TBC1D17: variants seen among roughly 807,000 people sequenced by gnomAD.
TBC1D17 encodes TBC1 domain family member 17.
In TBC1D17, 69 loss-of-function variants were observed where a neutral mutation model predicts 78.8. The ratio of observed to expected loss-of-function variants is 0.88; its 90% CI spans 0.72 to 1.07. TBC1D17 has a LOEUF of 1.07. Among genes scored for constraint, TBC1D17 ranks in the 50% least tolerant of loss-of-function variants. The pLI, the probability that TBC1D17 is intolerant of heterozygous loss-of-function variation, is 0.00. For synonymous variants in TBC1D17, 456 were observed against 358.3 expected (o/e 1.27, Z -3.08); for missense variants, 957 against 861.0 (o/e 1.11, Z -1.39).
intron 6 of TBC1D17, 45 bp downstream of exon 6, chr19:49,882,197 G>T: frequency 1.2e-6 from 2 of 1,613,258 alleles, no homozygotes; most frequent in Non-Finnish European, 1.7e-6. Context: ...GGCAGGGAGG[G>T]ACGAGAAGGG....
At chr19:49,885,715 G>A (rs991751271) in intron 13 of TBC1D17, among the ~76,000 whole-genome samples, 4 of 151,918 alleles carry the variant, frequency 2.6e-5, no homozygotes, top group East Asian at 1.9e-4. Flanking sequence ...GATCACGCCT[G>A]TAATCCCAGC....
rs1316985860 is a variant in TBC1D17 at position 49,887,757 on chromosome 19, CTGGTG to C, written c.1583_1587del (p.Leu528ArgfsTer21). The C allele has an allele frequency of 6.2e-7, 1 of 1,613,586 alleles. No individual in the cohort carries two copies. The highest frequency in any genetic ancestry group is 2.2e-5 in the East Asian group (1 of 44,880). On this transcript the variant is annotated frameshift_variant, in exon 15 of 17. Transcript: ENST00000221543. LOFTEE classifies it high-confidence loss of function. ...GCTCCCTGGCCCCAATCTGCACCTG[CTGGTG>C]GCCTGCGCCATCCTGGACATGGAGA...
At chr19:49,887,655 G>A (rs2075069493) in intron 14 of TBC1D17, 63 bp from the exon 15 acceptor site, 3 of 1,608,990 alleles carry the variant, frequency 1.9e-6, no homozygotes, top group African/African-American at 2.7e-5. Flanking sequence ...GACAGACCCT[G>A]GTGGGACCTC....
chr19:49,878,711 C>T, intron 3 of TBC1D17, 139 bp downstream of exon 3: 2 of 743,326 alleles, frequency 2.7e-6, no homozygotes, highest in African/African-American at 1.8e-5. Flanking sequence ...GGGTACTCTG[C>T]CTCTCCTTTT....
chr19:49,878,550 C>G lies in TBC1D17; in HGVS notation c.173C>G (p.Thr58Ser). The change falls in exon 3 of 17, where the codon ACC (threonine) becomes AGC (serine). Residue 58 changes from threonine (T) to serine (S), a missense_variant. Coordinates refer to ENST00000221543, the MANE Select transcript of TBC1D17 (RefSeq NM_024682.3). ...WAPVEEAGDS[T>S]QILFSKKDSS... ...CCTGTAGAGGAGGCTGGAGATTCCACCCAAATCCTCTTCTCCAAGAAGGTA... is the reference window on the plus strand; with the variant it reads ...CCTGTAGAGGAGGCTGGAGATTCCAGCCAAATCCTCTTCTCCAAGAAGGTA... The G allele has an allele frequency of 6.2e-7, 1 of 1,614,122 alleles. No homozygotes were observed. The highest frequency in any genetic ancestry group is 2.2e-5 in the East Asian group (1 of 44,888).
intron 14 of TBC1D17, 50 bp from the exon 15 acceptor site, chr19:49,887,668 G>A (rs763686866): frequency 3.1e-6 from 5 of 1,609,138 alleles, no homozygotes; most frequent in African/African-American, 1.3e-5. Flanking sequence ...GGGACCTCAG[G>A]CCCAGGCTGG....
intron 5 of TBC1D17, 76 bp from the exon 6 acceptor site, chr19:49,881,965 G>A (rs1287163137): frequency 2.3e-6 from 3 of 1,312,028 alleles, no homozygotes; most frequent in Admixed American, 1.7e-5. Flanking sequence ...TGGAACCGAT[G>A]TCGGCCGAGC....
intron 15 of TBC1D17, 170 bp from the exon 16 acceptor site, chr19:49,888,061 G>T (rs1446916124): frequency 9.4e-6 from 11 of 1,171,288 alleles, no homozygotes; most frequent in Admixed American, 2.2e-5. Flanking sequence ...CCGAGTACGT[G>T]CTCAGAATGC....
chr19:49,881,594 T>C (rs2122439223), intron 5 of TBC1D17, 119 bp downstream of exon 5: 1 of 1,005,494 alleles, frequency 9.9e-7, no homozygotes, highest in South Asian at 1.6e-5. Context: ...AGGCAAAGAG[T>C]TGACCAGCAC....
chr19:49,885,464 A>AT (rs1415884607), intron 13 of TBC1D17: 40 of 150,038 alleles, frequency 2.7e-4, no homozygotes, highest in African/African-American at 9.5e-4. Flanking sequence ...AAAAAAAAAA[A>AT]AAAAAATATA....
At chr19:49,879,718 C>T (rs907933697) in intron 3 of TBC1D17, among the ~76,000 whole-genome samples, 16 of 151,698 alleles carry the variant, frequency 1.1e-4, no homozygotes, top group Admixed American at 6.6e-4. Context: ...TTGAGCACTC[C>T]GCAGCCTGAC....
chr19:49,888,052 C>G (rs937536569), intron 15 of TBC1D17, 179 bp from the exon 16 acceptor site: 10 of 1,120,510 alleles, frequency 8.9e-6, no homozygotes, highest in Middle Eastern at 6.0e-4. Flanking sequence ...CTTCCCTCCC[C>G]GAGTACGTGC....
At chr19:49,882,690 C>G (rs1010745779) in intron 7 of TBC1D17, 74 bp from the exon 8 acceptor site, 43 of 1,454,276 alleles carry the variant, frequency 3.0e-5, no homozygotes, top group Admixed American at 1.7e-4. Context: ...GCTCTCTGAG[C>G]TTGTGGACTG....
chr19:49,885,711 G>A (rs959161007), intron 13 of TBC1D17, among the ~76,000 whole-genome samples: 10 of 151,408 alleles, frequency 6.6e-5, no homozygotes, highest in African/African-American at 1.9e-4. Context: ...CTGGGATCAC[G>A]CCTGTAATCC....
At chr19:49,881,793 T>C (rs1383982448) in intron 5 of TBC1D17, among the ~76,000 whole-genome samples, 2 of 152,124 alleles carry the variant, frequency 1.3e-5, no homozygotes, top group Admixed American at 1.3e-4. Flanking sequence ...GAGCTGCTTC[T>C]CATTGGCTCG....
In TBC1D17 at chr19:49,888,629, G is replaced by A. The variant is rs1408073026; in HGVS notation, c.*5G>A. 3.4e-6 allele frequency: 5 copies of A among 1,488,852 alleles called. No individual in the cohort carries two copies. The highest frequency in any genetic ancestry group is 3.6e-6 in the Non-Finnish European group (4 of 1,117,154). The allele number at this position is 1,488,852 out of a possible 1,614,324, so 92.2% of individuals were successfully genotyped here. On this transcript the variant is annotated 3_prime_UTR_variant, in exon 17 of 17. Coordinates refer to ENST00000221543, the MANE Select transcript of TBC1D17 (RefSeq NM_024682.3). ...GACGAGGGCGCCGACTCCTAACCCC[G>A]CCAGGCAGCCTCGTTCTGCACAGGC...
chr19:49,879,068 G>C (rs2074986609), intron 3 of TBC1D17: 1 of 154,334 alleles, frequency 6.5e-6, no homozygotes, highest in Admixed American at 6.5e-5. Flanking sequence ...CTCACTTTTT[G>C]AGAAACTGAT....
rs777802717 is a variant in TBC1D17 at position 49,882,756 on chromosome 19, G to A, written c.799-8G>A. 24 of 1,551,232 alleles carry A rather than the reference G, an allele frequency of 1.5e-5. No homozygotes were observed. The highest frequency in any genetic ancestry group is 2.1e-5 in the Non-Finnish European group (24 of 1,149,118). On this transcript the variant is annotated splice_region_variant and splice_polypyrimidine_tract_variant and intron_variant, in intron 7 of 16. Transcript: ENST00000221543. ...CGAGCCCCAGGCTCATTTGCTCTTT[G>A]CCTGCAGGTGGAGCTGGGGCCTCGG...
Position 49,881,287 on chromosome 19 carries a change from C to G in TBC1D17, c.339C>G (p.Pro113=), listed in dbSNP as rs756417635. The change falls in exon 5 of 17, where the codon CCC becomes CCG. Residue 113 remains proline, a synonymous_variant. Coordinates refer to ENST00000221543, the MANE Select transcript of TBC1D17 (RefSeq NM_024682.3). ...CCCTAGGTGCAGAGCCCAGCTGCCC[C>G]CAGGGCTCCTGGGCCTTCTCAGTGA... ...EPTRGAEPSC[P]QGSWAFSVSL... is the part of the protein sequence containing the mutation. 3.7e-6 allele frequency: 6 copies of G among 1,612,904 alleles called. No homozygotes were observed. The South Asian group carries it at 5.5e-5, about 15-fold the overall frequency.
Sources: allele counts gnomAD v4.1 joint callset (sites outside exome capture counted in the v4.1 genomes callset), GRCh38; gene constraint gnomAD v4.1.1; transcripts MANE v1.5; gene names NCBI Gene and HGNC (gene_info 2026-07-23, HGNC 2026-07-21).